Variants in DEK observed in about 807,000 individuals in gnomAD.
DEK encodes the protein DEK proto-oncogene.
In DEK, 28 loss-of-function variants were observed where a neutral mutation model predicts 46.8. The ratio of observed to expected loss-of-function variants is 0.60; its 90% CI spans 0.44 to 0.82. The LOEUF (loss-of-function observed/expected upper bound fraction) is 0.82. Ranked by LOEUF, DEK falls within the 40% of genes least tolerant of loss-of-function variation. The pLI is 0.00. For missense variants in DEK, 416 were observed against 430.6 expected (o/e 0.97, Z 0.30); for synonymous variants, 160 against 144.5 (o/e 1.11, Z -0.77).
At chr6:18,241,611 T>A (rs771189737) in intron 7 of DEK, among the ~76,000 whole-genome samples, 4 of 152,160 alleles carry the variant, frequency 2.6e-5, no homozygotes, top group Non-Finnish European at 5.9e-5. Context: ...TTTTTGAAGC[T>A]CCAGAGGTGA....
chr6:18,226,665 A>T (rs981298426), intron 9 of DEK, among the ~76,000 whole-genome samples: 3 of 152,190 alleles, frequency 2.0e-5, no homozygotes, highest in African/African-American at 7.2e-5. Context: ...CTGTAATCCC[A>T]GCTACTGAGG....
rs1164444546 is a variant in DEK, at chr6:18,224,720, G to A, written c.*999C>T. On this transcript the variant is annotated 3_prime_UTR_variant, in exon 11 of 11. Coordinates refer to ENST00000652689, the MANE Select transcript of DEK (RefSeq NM_003472.4). The stretch of plus-strand genomic sequence containing the variant: ...GTACTTTAGTCATAATCGTGAAGCT[G>A]GCTAGGTTTCCAGTAAATATCAGCA... 1 of 214,562 alleles carries A rather than the reference G, an allele frequency of 4.7e-6. No homozygotes were observed. The highest frequency in any genetic ancestry group is 2.3e-5 in the African/African-American group (1 of 44,276). The allele number at this position is 214,562 out of a possible 1,614,324, so 13.3% of individuals were successfully genotyped here. A position where few individuals can be genotyped will look rare whatever the true frequency, so the allele number is the denominator to read the frequency against.
intron 6 of DEK, among the ~76,000 whole-genome samples, chr6:18,253,869 C>T (rs1009749063): frequency 1.3e-5 from 2 of 152,082 alleles, no homozygotes; most frequent in African/African-American, 4.8e-5. Flanking sequence ...CGTGCCTCAG[C>T]GCCTGGCTAA....
intron 9 of DEK, among the ~76,000 whole-genome samples, chr6:18,231,482 TA>T (rs879619700): frequency 2.7e-5 from 4 of 150,596 alleles, no homozygotes; most frequent in Non-Finnish European, 5.9e-5. Context: ...GCAAGACTAA[TA>T]AGAAAAGAGA....
At chr6:18,252,960 GTCTT>G (rs1182234229) in intron 6 of DEK, among the ~76,000 whole-genome samples, 18 of 152,276 alleles carry the variant, frequency 1.2e-4, no homozygotes, top group East Asian at 5.8e-4. Flanking sequence ...TCAAGTACAT[GTCTT>G]TCTAATATCT....
intron 7 of DEK, among the ~76,000 whole-genome samples, chr6:18,244,340 G>C (rs1233903597): frequency 1.3e-5 from 2 of 152,162 alleles, no homozygotes; most frequent in East Asian, 1.9e-4. Flanking sequence ...ATGTCAGATA[G>C]TACAATGTAC....
intron 7 of DEK, 83 bp from the exon 8 acceptor site, chr6:18,237,599 TTAA>T (rs1345209212): frequency 2.8e-5 from 41 of 1,463,010 alleles, no homozygotes; most frequent in South Asian, 2.2e-4. Context: ...CCTATGCCCC[TTAA>T]TAATATTAGA....
chr6:18,244,278 A>G (rs1457331491), intron 7 of DEK, among the ~76,000 whole-genome samples: 1 of 152,230 alleles, frequency 6.6e-6, no homozygotes, highest in African/African-American at 2.4e-5. Context: ...AGGACCATCA[A>G]CTATTTCAGA....
rs1790008400 is a variant in DEK, at chr6:18,224,206, A to C, written c.*1513T>G. 4 of 176,858 alleles carry C rather than the reference A, an allele frequency of 2.3e-5. No homozygotes were observed. In the Admixed American group the frequency reaches 2.5e-4, roughly 11 times the overall value. 11.0% of individuals were successfully genotyped at this position (176,858 alleles called of 1,614,324 possible). ...TGATTTAGATTTATTTTTATTGACA[A>C]GGTTTATAAGAACAAATATTTAAAA... On this transcript the variant is annotated 3_prime_UTR_variant, in exon 11 of 11. Coordinates refer to ENST00000652689, the MANE Select transcript of DEK (RefSeq NM_003472.4).
intron 9 of DEK, among the ~76,000 whole-genome samples, chr6:18,230,494 CAG>C (rs1426391892): frequency 2.0e-5 from 3 of 152,188 alleles, no homozygotes; most frequent in East Asian, 3.9e-4. Context: ...ATCTCATGTG[CAG>C]AGACACACAT....
intron 2 of DEK, among the ~76,000 whole-genome samples, chr6:18,262,437 A>G (rs1561995106): frequency 6.6e-6 from 1 of 152,216 alleles, no homozygotes; most frequent in South Asian, 2.1e-4. Flanking sequence ...AAATTAGTAA[A>G]AAGAATAATA....
At chr6:18,246,717 T>TA (rs1254385093) in intron 7 of DEK, among the ~76,000 whole-genome samples, 2 of 152,190 alleles carry the variant, frequency 1.3e-5, no homozygotes, top group Non-Finnish European at 2.9e-5. Flanking sequence ...ACTATAAACT[T>TA]ACTCGGCTTG....
chr6:18,263,143 C>G (rs969467233), intron 2 of DEK, among the ~76,000 whole-genome samples: 1 of 152,192 alleles, frequency 6.6e-6, no homozygotes, highest in African/African-American at 2.4e-5. Flanking sequence ...CAGCACACTC[C>G]TCTATTCAGT....
intron 2 of DEK, among the ~76,000 whole-genome samples, chr6:18,260,447 A>G (rs1232886567): frequency 8.5e-5 from 13 of 152,162 alleles, no homozygotes. Context: ...AAAATATTCA[A>G]AAGAAAAATC....
At chr6:18,231,280 T>C (rs1002574097) in intron 9 of DEK, among the ~76,000 whole-genome samples, 1 of 151,968 alleles carries the variant, frequency 6.6e-6, no homozygotes, top group African/African-American at 2.4e-5. Flanking sequence ...AGATCTAAAA[T>C]TGACACCCTA....
At chr6:18,260,650 G>A (rs746001973) in intron 2 of DEK, among the ~76,000 whole-genome samples, 1 of 152,108 alleles carries the variant, frequency 6.6e-6, no homozygotes, top group Non-Finnish European at 1.5e-5. Context: ...GAGGATATAT[G>A]AGAAAGCCTG....
chr6:18,230,827 A>G (rs1790384145), intron 9 of DEK, among the ~76,000 whole-genome samples: 1 of 152,204 alleles, frequency 6.6e-6, no homozygotes, highest in African/African-American at 2.4e-5. Context: ...GTGAGACAGA[A>G]AGTCAACAAG....
chr6:18,255,607 G>C (rs1791563893), intron 6 of DEK, 124 bp downstream of exon 6: 14 of 1,140,076 alleles, frequency 1.2e-5, no homozygotes, highest in Middle Eastern at 2.6e-4. Context: ...GTCAACAGAA[G>C]GTATAGTCTT....
In DEK at chr6:18,225,400, A is replaced by T. The variant is rs946782336; in HGVS notation, c.*319T>A. The stretch of plus-strand genomic sequence containing the variant: ...TTAAAAGTATGCCTTAAGCAAGCTA[A>T]TATTAAGTGCACTAAAAACCACAAC... On this transcript the variant is annotated 3_prime_UTR_variant, in exon 11 of 11. Transcript: ENST00000652689. 1 of 309,122 alleles carries T rather than the reference A, an allele frequency of 3.2e-6. No individual in the cohort carries two copies. Among genetic ancestry groups the T allele is most frequent in the Non-Finnish European group, 6.0e-6 (1 of 167,780 alleles). 19.1% of individuals were successfully genotyped at this position (309,122 alleles called of 1,614,324 possible).
Sources: gnomAD v4.1 joint callset for allele counts (sites outside exome capture counted in the v4.1 genomes callset) on GRCh38, gnomAD v4.1.1 for gene constraint, MANE v1.5 for transcripts, NCBI Gene and HGNC (gene_info 2026-07-23, HGNC 2026-07-21) for gene names.